The following NECAB3 variants were observed in gnomAD, a reference collection of about 807,000 sequenced individuals.
NECAB3 encodes N-terminal EF-hand calcium binding protein 3.
A neutral mutation model predicts 57.2 loss-of-function variants in NECAB3; 38 were observed. The ratio of observed to expected loss-of-function variants is 0.66; its 90% CI spans 0.51 to 0.87. The LOEUF (loss-of-function observed/expected upper bound fraction) is 0.87. Ranked by LOEUF, NECAB3 falls within the 40% of genes least tolerant of loss-of-function variation. The pLI, the probability that NECAB3 is intolerant of heterozygous loss-of-function variation, is 0.00. For synonymous variants in NECAB3, 223 were observed against 222.6 expected (o/e 1.00, Z -0.02); for missense variants, 474 against 527.5 (o/e 0.90, Z 0.99).
rs780199514 is a variant in NECAB3, at chr20:33,669,511, C to G, written c.290-39G>C. On this transcript the variant is annotated intron_variant, in intron 4 of 11. Coordinates refer to ENST00000246190, the MANE Select transcript of NECAB3 (RefSeq NM_031232.4). ...AGGTGCTCAAGGGTTCCTGGACCCC[C>G]ACCCATCTACCCACCCTGGGATTCT... is the stretch of plus-strand genomic sequence containing the variant. 29 of 1,607,280 alleles carry G rather than the reference C, an allele frequency of 1.8e-5. No individual in the cohort carries two copies. The African/African-American group carries it at 2.5e-4, about 14-fold the overall frequency.
chr20:33,658,396 G>A (rs893048411), intron 10 of NECAB3, 81 bp downstream of exon 10: 28 of 1,405,412 alleles, frequency 2.0e-5, no homozygotes, highest in Non-Finnish European at 2.6e-5. Context: ...GCCAGTGAGC[G>A]GGAGAGCAGA....
At chr20:33,670,199 G>C (rs1402788687) in intron 3 of NECAB3, 1 of 177,976 alleles carries the variant, frequency 5.6e-6, no homozygotes, top group Non-Finnish European at 1.2e-5. Context: ...CAAGTCTCAG[G>C]AGCCTGAGAC....
intron 5 of NECAB3, chr20:33,668,073 C>A (rs1185240189): frequency 6.3e-7 from 1 of 1,580,514 alleles, no homozygotes; most frequent in Non-Finnish European, 8.6e-7. Context: ...GGCACGGCTA[C>A]GCGGCCCTGC....
chr20:33,670,639 G>A (rs1349176498), intron 3 of NECAB3, 45 bp downstream of exon 3: 5 of 1,430,418 alleles, frequency 3.5e-6, no homozygotes, highest in African/African-American at 2.8e-5. Context: ...GTGGGGTAAA[G>A]ACAACCTGGC....
intron 1 of NECAB3, among the ~76,000 whole-genome samples, chr20:33,672,824 G>C (rs980203687): frequency 2.0e-5 from 3 of 152,204 alleles, no homozygotes; most frequent in Non-Finnish European, 4.4e-5. Flanking sequence ...AGCCGTCCTA[G>C]ACCTGAGCCC....
chr20:33,668,488 A>C, intron 5 of NECAB3: 3 of 446,890 alleles, frequency 6.7e-6, no homozygotes, highest in Non-Finnish European at 1.2e-5. Flanking sequence ...GCCCTACTTT[A>C]TGGCAATAAA....
At chr20:33,668,049 G>A in intron 5 of NECAB3, 6 of 1,558,196 alleles carry the variant, frequency 3.9e-6, no homozygotes, top group Non-Finnish European at 5.2e-6. Context: ...AGGAGCTGGA[G>A]GCGCAGTGCC....
intron 5 of NECAB3, chr20:33,668,480 C>T (rs4911357): frequency 0.043 from 20,387 of 477,614 alleles, 2,299 homozygotes; most frequent in African/African-American, 0.26. Flanking sequence ...CCCACAGGGC[C>T]CTACTTTATG....
chr20:33,667,995 C>T (rs926239417), intron 5 of NECAB3: 8 of 1,546,514 alleles, frequency 5.2e-6, no homozygotes, highest in Non-Finnish European at 5.2e-6. Context: ...TGGTGCTAGC[C>T]GGCGGCTCCA....
At chr20:33,663,688 GTAC>G (rs761908441) in intron 5 of NECAB3, 2 of 1,581,964 alleles carry the variant, frequency 1.3e-6, no homozygotes, top group Non-Finnish European at 1.7e-6. Flanking sequence ...GAGGATGCCG[GTAC>G]TGCTGCTGCT....
intron 5 of NECAB3, chr20:33,666,614 T>TC (rs2017658914): frequency 6.6e-6 from 1 of 152,416 alleles, no homozygotes; most frequent in African/African-American, 2.4e-5. Flanking sequence ...GTTCTGCTCC[T>TC]CCCGGGGGCT....
At chr20:33,669,505 G>C (rs1474496852) in intron 4 of NECAB3, 33 bp from the exon 5 acceptor site, 1 of 1,610,366 alleles carries the variant, frequency 6.2e-7, no homozygotes, top group Admixed American at 1.7e-5. Context: ...AGGGTTCCTG[G>C]ACCCCCACCC....
chr20:33,667,703 A>G (rs1568900095), intron 5 of NECAB3: 5 of 1,612,086 alleles, frequency 3.1e-6, no homozygotes, highest in South Asian at 2.2e-5. Flanking sequence ...GACCTCTTGC[A>G]GCAGGCCCTG....
chr20:33,659,817 C>T lies in NECAB3; in HGVS notation c.643+68G>A, dbSNP rs189940168. 1,512 of 1,530,486 alleles carry T rather than the reference C, an allele frequency of 9.9e-4. 14 individuals carry two copies. The African/African-American group carries it at 0.018, about 18-fold the overall frequency. The allele number at this position is 1,530,486 out of a possible 1,614,324, so 94.8% of individuals were successfully genotyped here. On this transcript the variant is annotated intron_variant, in intron 7 of 11. Transcript: ENST00000246190. ...AATGAAGTGAGGGGCAGTGAAGGAGCGGGCCCTGGGGGAAGGGGGGATGCG... is the reference window on the plus strand; with the variant it reads ...AATGAAGTGAGGGGCAGTGAAGGAGTGGGCCCTGGGGGAAGGGGGGATGCG...
chr20:33,660,636 C>A lies in NECAB3; in HGVS notation c.388-241G>T, dbSNP rs896399726. On this transcript the variant is annotated intron_variant, in intron 5 of 11. Coordinates refer to ENST00000246190, the MANE Select transcript of NECAB3 (RefSeq NM_031232.4). The surrounding 1 kb of genome is among the most constrained non-coding windows in gnomAD (Gnocchi z 4.1). ...CAACTCACAGGGGGCATCTGCCCAG[C>A]GAAGTGCCTGGCCTCTCTGGACCTC... Among the ~76,000 whole-genome samples the A allele has an allele frequency of 6.6e-6, 1 of 152,188 alleles. No individual in the cohort carries two copies. Among genetic ancestry groups the A allele is most frequent in the Non-Finnish European group, 1.5e-5 (1 of 68,026 alleles).
chr20:33,670,990 G>T (rs1227204618), intron 2 of NECAB3, among the ~76,000 whole-genome samples, 198 bp from the exon 3 acceptor site: 1 of 152,212 alleles, frequency 6.6e-6, no homozygotes, highest in African/African-American at 2.4e-5. Context: ...TCCAGTGAAG[G>T]CAACAGAACC....
rs199763485 is a variant in NECAB3 at position 33,668,111 on chromosome 20, G to C, written c.387+1264C>G. The C allele has an allele frequency of 5.0e-6, 8 of 1,608,952 alleles. No individual in the cohort carries two copies. The South Asian group carries it at 8.8e-5, about 18-fold the overall frequency. On this transcript the variant is annotated intron_variant, in intron 5 of 11. Coordinates refer to ENST00000246190, the MANE Select transcript of NECAB3 (RefSeq NM_031232.4). ...CCCCACCTGGTGGCCAAGCATGGGC[G>C]TGGCATGGCTGTGTGGACCGGCGGC...
intron 1 of NECAB3, among the ~76,000 whole-genome samples, chr20:33,673,417 G>A (rs1348273922): frequency 2.0e-5 from 3 of 152,162 alleles, no homozygotes; most frequent in Non-Finnish European, 4.4e-5. Flanking sequence ...AGCCAGGGAG[G>A]CCCAGGTAGG....
Position 33,658,804 on chromosome 20 carries a change from C to T in NECAB3, c.910G>A (p.Val304Met). 2 of 1,613,016 alleles carry T rather than the reference C, an allele frequency of 1.2e-6. No homozygotes were observed. Among genetic ancestry groups the T allele is most frequent in the Non-Finnish European group, 8.5e-7 (1 of 1,179,886 alleles). ...HILMAQRQVQ[V>M]AEEGLQDFHR... ...AAGTCCTGCAGGCCTTCCTCTGCCACCTGGACCTGCCTCTGGGCCATGAGG... is the reference window on the plus strand; with the variant it reads ...AAGTCCTGCAGGCCTTCCTCTGCCATCTGGACCTGCCTCTGGGCCATGAGG... The change falls in exon 9 of 12, where the codon GTG becomes ATG. Residue 304 changes from valine (V) to methionine (M), a missense_variant. Physicochemically the swap from Val to Met is conservative, Grantham distance 21 (BLOSUM62 1). Transcript: ENST00000246190.
Sources: allele counts gnomAD v4.1 joint callset (sites outside exome capture counted in the v4.1 genomes callset), GRCh38; gene constraint gnomAD v4.1.1; non-coding constraint Gnocchi (gnomAD v3.1); transcripts MANE v1.5; gene names NCBI Gene and HGNC (gene_info 2026-07-23, HGNC 2026-07-21).